FAM135B: variants seen among roughly 807,000 people sequenced by gnomAD.
The protein encoded by FAM135B is protein FAM135B.
Under a neutral mutation model 127.7 loss-of-function variants are expected in FAM135B, and 43 were observed. The ratio of observed to expected loss-of-function variants is 0.34; its 90% confidence interval spans 0.26 to 0.43. The LOEUF (loss-of-function observed/expected upper bound fraction) is 0.43, where lower values mean the gene tolerates loss of function less well. Ranked by LOEUF, FAM135B falls within the 20% of genes least tolerant of loss-of-function variation. The pLI is 1.00. For synonymous variants in FAM135B, 670 were observed against 665.1 expected (o/e 1.01, Z -0.11); for missense variants, 1,558 against 1,725.6 (o/e 0.90, Z 1.72).
Position 138,151,293 on chromosome 8 carries a change from T to C in FAM135B, c.3182A>G (p.Gln1061Arg). 2 of 1,613,862 alleles carry C rather than the reference T, an allele frequency of 1.2e-6. No individual in the cohort carries two copies. Among genetic ancestry groups the C allele is most frequent in the Non-Finnish European group, 1.7e-6 (2 of 1,179,930 alleles). ...CTGATGGGTGATGGGAAACAGGGTC[T>C]GTTTGGAAGAGAATCCAGCCCTGGC... Reference protein sequence around the residue: ...TPARAGFSSKQTLFPITHQPL... With the variant: ...TPARAGFSSKRTLFPITHQPL... The change falls in exon 13 of 20, where the codon CAG becomes CGG. Residue 1061 changes from glutamine to arginine, a missense_variant. Gln to Arg is a conservative substitution (Grantham distance 43). Transcript: ENST00000395297.
intron 2 of FAM135B, among the ~76,000 whole-genome samples, chr8:138,337,607 G>T (rs1013964035): frequency 1.3e-5 from 2 of 152,158 alleles, no homozygotes; most frequent in Admixed American, 1.3e-4. Context: ...TGAAATAAAA[G>T]AAGACACAAA....
At chr8:138,343,074 T>C (rs1399959730) in intron 2 of FAM135B, among the ~76,000 whole-genome samples, 1 of 152,266 alleles carries the variant, frequency 6.6e-6, no homozygotes, top group Non-Finnish European at 1.5e-5. Flanking sequence ...TTATTTATTC[T>C]TTAAAAGCTT....
chr8:138,314,284 C>T (rs1371164107), intron 2 of FAM135B, among the ~76,000 whole-genome samples: 1 of 152,168 alleles, frequency 6.6e-6, no homozygotes, highest in East Asian at 1.9e-4. Flanking sequence ...AGGAACCTAA[C>T]CCTCTATTTC....
At chr8:138,189,712 T>A (rs2131068592) in intron 9 of FAM135B, among the ~76,000 whole-genome samples, 1 of 152,196 alleles carries the variant, frequency 6.6e-6, no homozygotes, top group African/African-American at 2.4e-5. Flanking sequence ...TTTGAGTGAG[T>A]GGAGTTTGCC....
In FAM135B at chr8:138,256,722, T is replaced by C. The variant is rs773207582; in HGVS notation, c.335A>G (p.Lys112Arg). 1.9e-6 allele frequency: 3 copies of C among 1,613,918 alleles called. No homozygotes were observed. The highest frequency in any genetic ancestry group is 2.2e-5 in the East Asian group (1 of 44,856). Residue 112 changes from lysine (K) to arginine (R), a missense_variant, in exon 5 of 20, where the codon AAG becomes AGG. Lys to Arg is a conservative substitution (Grantham distance 26). Transcript: ENST00000395297. ...DALSEVDFQLKVDLHFTDSEQ... is the reference protein window; with the variant it reads ...DALSEVDFQLRVDLHFTDSEQ... ...ACTGTCCGTAAAGTGCAGATCCACC[T>C]TGAGTTGAAAATCTACTTCACTCAG...
chr8:138,165,921 T>C (rs2130885209), intron 12 of FAM135B, among the ~76,000 whole-genome samples: 1 of 152,284 alleles, frequency 6.6e-6, no homozygotes, highest in Non-Finnish European at 1.5e-5. Flanking sequence ...TGCACTGCCC[T>C]TGGAAGTCAC....
At chr8:138,492,582 G>T (rs910555390) in intron 1 of FAM135B, among the ~76,000 whole-genome samples, 1 of 152,006 alleles carries the variant, frequency 6.6e-6, no homozygotes, top group Non-Finnish European at 1.5e-5. Context: ...ACTCTCAAAC[G>T]TGTAACCCTA....
At chr8:138,420,870 A>T (rs772212451) in intron 1 of FAM135B, among the ~76,000 whole-genome samples, 1 of 152,224 alleles carries the variant, frequency 6.6e-6, no homozygotes, top group African/African-American at 2.4e-5. Flanking sequence ...TCTAAGGCAA[A>T]CCTACAAGCC....
intron 1 of FAM135B, among the ~76,000 whole-genome samples, chr8:138,408,710 A>G (rs1833677256): frequency 6.6e-6 from 1 of 152,170 alleles, no homozygotes. Context: ...AGAGAGAGCA[A>G]GAGCACAGGG....
Position 138,243,163 on chromosome 8 carries a change from T to G in FAM135B, c.543-95A>C. ...TTTGAGGAGTGTTCCTGTGAAGCAT[T>G]TGGGATAAGTCATTTAGGAGTAGTT... On this transcript the variant is annotated intron_variant, in intron 6 of 19. Coordinates refer to ENST00000395297, the MANE Select transcript of FAM135B (RefSeq NM_015912.4). This position sits in a 1 kb window ranked among gnomAD's most constrained non-coding sequence, Gnocchi z 7.5. 1 of 1,431,630 alleles carries G rather than the reference T, an allele frequency of 7.0e-7. No individual in the cohort carries two copies. The allele number at this position is 1,431,630 out of a possible 1,614,324, so 88.7% of individuals were successfully genotyped here.
In FAM135B at chr8:138,257,282, G is replaced by A. The variant is rs564328496; in HGVS notation, c.298-523C>T. Among the ~76,000 whole-genome samples, 32 of 152,172 alleles carry A rather than the reference G, an allele frequency of 2.1e-4. 1 individual carries two copies. The highest frequency in any genetic ancestry group is 5.5e-4 in the African/African-American group (23 of 41,524). ...TGGGAAAGTGGTCACTTCTTCAGGC[G>A]TCCCAGCTTCATAAGAAAGCAGCTT... is the stretch of plus-strand genomic sequence containing the variant. On this transcript the variant is annotated intron_variant, in intron 4 of 19. Transcript: ENST00000395297.
rs533597452 is a variant in FAM135B, at chr8:138,160,371, TTTTATTTATTTA to T, written c.1259-7167_1259-7156del. On this transcript the variant is annotated intron_variant, in intron 12 of 19. Transcript: ENST00000395297. ...TGGGAACCCCTGAGCTGGTGTCTGG[TTTTATTTATTTA>T]TTTATTTATTTATTTTTTCTTTTGA... Among the ~76,000 whole-genome samples the T allele has an allele frequency of 1.8e-3, 279 of 151,656 alleles. 1 individual carries two copies. Among genetic ancestry groups the T allele is most frequent in the African/African-American group, 6.4e-3 (266 of 41,366 alleles).
chr8:138,250,622 G>A (rs1476728834), intron 6 of FAM135B, among the ~76,000 whole-genome samples: 1 of 152,130 alleles, frequency 6.6e-6, no homozygotes, highest in Non-Finnish European at 1.5e-5. Flanking sequence ...GTAAGCCATA[G>A]TTTGCAGGTT....
At chr8:138,490,417 C>G (rs1815150642) in intron 1 of FAM135B, among the ~76,000 whole-genome samples, 1 of 152,186 alleles carries the variant, frequency 6.6e-6, no homozygotes, top group Admixed American at 6.5e-5. Flanking sequence ...CAGGGCCCAT[C>G]AGGAAAGTGA....
chr8:138,248,832 A>AAAAC (rs1821489151), intron 6 of FAM135B, among the ~76,000 whole-genome samples: 2 of 151,928 alleles, frequency 1.3e-5, no homozygotes, highest in Admixed American at 6.5e-5. Flanking sequence ...TCAAAAAAAA[A>AAAAC]AAAACAATAA....
At chr8:138,369,242 G>T (rs1271350813) in intron 1 of FAM135B, among the ~76,000 whole-genome samples, 1 of 152,170 alleles carries the variant, frequency 6.6e-6, no homozygotes, top group East Asian at 1.9e-4. Flanking sequence ...AGAGAAGGAG[G>T]AGAGGGGAAA....
chr8:138,238,475 G>T (rs930652754), intron 7 of FAM135B, among the ~76,000 whole-genome samples: 2 of 152,112 alleles, frequency 1.3e-5, no homozygotes. Flanking sequence ...AGATGTCAAA[G>T]GTGCTGTAGG....
chr8:138,491,167 A>AAAAAAAAAAAAAAAAAAAC (rs1564040507), intron 1 of FAM135B, among the ~76,000 whole-genome samples: 2 of 151,324 alleles, frequency 1.3e-5, no homozygotes, highest in African/African-American at 4.9e-5. Context: ...AAAGAAAGAA[A>AAAAAAAAAAAAAAAAAAAC]GAAAGAAAGA....
chr8:138,348,157 G>T, intron 2 of FAM135B, among the ~76,000 whole-genome samples: 5 of 86,920 alleles, frequency 5.8e-5, no homozygotes, highest in South Asian at 3.6e-4. Context: ...TTTTTGAGAA[G>T]GAATTTCACT....
Sources: gnomAD v4.1 joint callset for allele counts (sites outside exome capture counted in the v4.1 genomes callset) on GRCh38, gnomAD v4.1.1 for gene constraint, Gnocchi (gnomAD v3.1) non-coding constraint, MANE v1.5 for transcripts, NCBI Gene and HGNC (gene_info 2026-07-23, HGNC 2026-07-21) for gene names.